The following EPHA6 variants were observed in gnomAD, a reference collection of about 807,000 sequenced individuals.
EPHA6 encodes EPH receptor A6.
EPHA6 carries 50 observed loss-of-function variants against 112.0 expected under a neutral mutation model. That is an observed-to-expected ratio of 0.45 (90% confidence interval 0.36 to 0.56). The LOEUF is 0.56. Ranked by LOEUF, EPHA6 falls within the 20% of genes least tolerant of loss-of-function variation. EPHA6 has a pLI of 0.00. For missense variants in EPHA6, 1,280 were observed against 1,417.4 expected (o/e 0.90, Z 1.56); for synonymous variants, 529 against 490.7 (o/e 1.08, Z -1.03).
chr3:97,167,460 G>T (rs1297558258), intron 3 of EPHA6, among the ~76,000 whole-genome samples: 1 of 151,772 alleles, frequency 6.6e-6, no homozygotes, highest in Non-Finnish European at 1.5e-5. Context: ...TTTATTTTAG[G>T]TTTTTTTACT....
chr3:97,016,805 T>G (rs889740786), intron 3 of EPHA6, among the ~76,000 whole-genome samples: 5 of 152,244 alleles, frequency 3.3e-5, no homozygotes, highest in African/African-American at 1.2e-4. Context: ...CACAGGCATC[T>G]GCAGTATCCA....
intron 16 of EPHA6, among the ~76,000 whole-genome samples, chr3:97,736,970 C>A (rs2035289589): frequency 6.6e-6 from 1 of 152,002 alleles, no homozygotes; most frequent in Non-Finnish European, 1.5e-5. Context: ...CAGGTTCAAG[C>A]CAGTGCAGGT....
At chr3:97,440,017 C>T (rs2090053705) in intron 6 of EPHA6, among the ~76,000 whole-genome samples, 1 of 152,122 alleles carries the variant, frequency 6.6e-6, no homozygotes, top group Non-Finnish European at 1.5e-5. Flanking sequence ...GCATCCAGCA[C>T]TCCTTTGTTT....
chr3:97,193,341 T>C (rs1238688947), intron 3 of EPHA6, among the ~76,000 whole-genome samples: 4 of 152,116 alleles, frequency 2.6e-5, no homozygotes, highest in African/African-American at 9.7e-5. Context: ...ATTTTAATTG[T>C]AGAGATTTTT....
At chr3:96,960,746 G>GTTTTGAT (rs1300238947) in intron 2 of EPHA6, among the ~76,000 whole-genome samples, 1 of 152,026 alleles carries the variant, frequency 6.6e-6, no homozygotes, top group Admixed American at 6.6e-5. Context: ...ACTTTATACA[G>GTTTTGAT]GTATTTTTTA....
intron 11 of EPHA6, among the ~76,000 whole-genome samples, chr3:97,565,108 A>C (rs1372060438): frequency 3.9e-5 from 6 of 152,200 alleles, no homozygotes; most frequent in East Asian, 3.8e-4. Context: ...AAAATAAATA[A>C]AAACAAGAGA....
chr3:97,099,978 T>G (rs1420514226), intron 3 of EPHA6, among the ~76,000 whole-genome samples: 3 of 151,984 alleles, frequency 2.0e-5, no homozygotes, highest in Non-Finnish European at 4.4e-5. Context: ...TGGAGAAAAT[T>G]AAAAACAAAG....
chr3:97,167,759 G>A (rs72922349), intron 3 of EPHA6, among the ~76,000 whole-genome samples: 4,963 of 151,868 alleles, frequency 0.033, 256 homozygotes, highest in African/African-American at 0.11. Flanking sequence ...TTTATATAGC[G>A]TATTTAAAAT....
chr3:97,480,386 G>A (rs1448582565), intron 9 of EPHA6, among the ~76,000 whole-genome samples: 1 of 152,064 alleles, frequency 6.6e-6, no homozygotes, highest in Non-Finnish European at 1.5e-5. Context: ...GCGGCCTTCC[G>A]CAGTGTTTGT....
intron 3 of EPHA6, among the ~76,000 whole-genome samples, chr3:97,163,765 C>A (rs1576598626): frequency 2.6e-5 from 4 of 152,298 alleles, no homozygotes. Flanking sequence ...GAAGACTCAT[C>A]AGAATTTAAG....
chr3:97,219,526 C>G (rs2078131119), intron 3 of EPHA6, among the ~76,000 whole-genome samples: 2 of 152,154 alleles, frequency 1.3e-5, no homozygotes, highest in South Asian at 4.1e-4. Context: ...AAGCAATAGC[C>G]CAAGCTGTAC....
intron 13 of EPHA6, among the ~76,000 whole-genome samples, chr3:97,611,314 T>C (rs923575397): frequency 1.3e-5 from 2 of 151,894 alleles, no homozygotes; most frequent in Non-Finnish European, 2.9e-5. Flanking sequence ...TTGTCCTTCT[T>C]CAGTTCATTT....
Position 97,106,043 on chromosome 3 carries a change from A to T in EPHA6, c.1114+118050A>T, listed in dbSNP as rs533835375. 2.6e-5 allele frequency among the ~76,000 whole-genome samples: 4 copies of T among 152,070 alleles called. No individual in the cohort carries two copies. In the South Asian group the frequency reaches 8.3e-4, roughly 32 times the overall value. On this transcript the variant is annotated intron_variant, in intron 3 of 17. Transcript: ENST00000389672. ...CCTTTGTTTTGAGCCTAAGGGTGTT[A>T]TTGCATTTGAGATGGGTCTTTTGAA...
chr3:97,049,563 G>A (rs981433404), intron 3 of EPHA6, among the ~76,000 whole-genome samples: 1 of 152,162 alleles, frequency 6.6e-6, no homozygotes, highest in African/African-American at 2.4e-5. Flanking sequence ...AGAGCTTATT[G>A]ATCAGTACAC....
At chr3:97,002,740 C>G (rs1295043470) in intron 3 of EPHA6, among the ~76,000 whole-genome samples, 1 of 151,846 alleles carries the variant, frequency 6.6e-6, no homozygotes, top group African/African-American at 2.4e-5. Flanking sequence ...GTTTTTGCTA[C>G]TTTGAATTCA....
At chr3:97,419,697 G>T (rs895907458) in intron 6 of EPHA6, among the ~76,000 whole-genome samples, 7 of 151,832 alleles carry the variant, frequency 4.6e-5, no homozygotes, top group African/African-American at 7.3e-5. Context: ...TAGGAGGAAA[G>T]AAATCATTAC....
At chr3:97,241,225 G>A (rs960018502) in intron 4 of EPHA6, among the ~76,000 whole-genome samples, 2 of 151,466 alleles carry the variant, frequency 1.3e-5, no homozygotes, top group African/African-American at 4.8e-5. Flanking sequence ...ATAACTAATA[G>A]AAATTAAGTT....
intron 3 of EPHA6, among the ~76,000 whole-genome samples, chr3:97,077,614 T>G (rs4857237): frequency 3.4e-4 from 51 of 148,440 alleles, no homozygotes; most frequent in African/African-American, 9.5e-4. Flanking sequence ...TCATTGTTCA[T>G]TTCCCACCTA....
intron 3 of EPHA6, among the ~76,000 whole-genome samples, chr3:97,037,629 A>G (rs1053972709): frequency 2.6e-5 from 4 of 152,080 alleles, no homozygotes; most frequent in Admixed American, 2.6e-4. Context: ...CTAAAGGATC[A>G]TAAATGCTGA....
Sources: allele counts gnomAD v4.1 joint callset (sites outside exome capture counted in the v4.1 genomes callset), GRCh38; gene constraint gnomAD v4.1.1; transcripts MANE v1.5; gene names NCBI Gene and HGNC (gene_info 2026-07-23, HGNC 2026-07-21).